The following COL6A2 variants were observed in gnomAD, a reference collection of about 807,000 sequenced individuals.
COL6A2 encodes collagen alpha-2(VI) chain.
A neutral mutation model predicts 124.9 loss-of-function variants in COL6A2; 90 were observed. The observed-to-expected ratio is 0.72, with a 90% confidence interval of 0.61 to 0.86. The LOEUF (loss-of-function observed/expected upper bound fraction) is 0.86, where lower values mean the gene tolerates loss of function less well. Among genes scored for constraint, COL6A2 ranks in the 40% least tolerant of loss-of-function variants. The pLI is 0.00. For synonymous variants in COL6A2, 793 were observed against 618.2 expected (o/e 1.28, Z -4.19); for missense variants, 1,607 against 1,502.5 (o/e 1.07, Z -1.15).
intron 27 of COL6A2, among the ~76,000 whole-genome samples, chr21:46,127,810 G>A (rs538251144): frequency 6.6e-6 from 1 of 152,202 alleles, no homozygotes; most frequent in Non-Finnish European, 1.5e-5. Context: ...GTGAGTGGGT[G>A]GGTGCTGCGT....
At chr21:46,129,000 C>A in intron 27 of COL6A2, 2 of 1,605,554 alleles carry the variant, frequency 1.2e-6, no homozygotes, top group South Asian at 2.2e-5. Flanking sequence ...CTGCCAGCTT[C>A]CTGTCCCTGT....
chr21:46,116,116 C>T lies in COL6A2; in HGVS notation c.900+63C>T. On this transcript the variant is annotated intron_variant, in intron 7 of 27. Coordinates refer to ENST00000300527, the MANE Select transcript of COL6A2 (RefSeq NM_001849.4). The surrounding 1 kb of genome is among the most constrained non-coding windows in gnomAD (Gnocchi z 4.6). ...GGCCCCAGCACTGCCAGGCAGGCTCCCCCCAGCCCAGCCTCGGCCTCAGCC... is the reference window on the plus strand; with the variant it reads ...GGCCCCAGCACTGCCAGGCAGGCTCTCCCCAGCCCAGCCTCGGCCTCAGCC... 2.0e-6 allele frequency: 3 copies of T among 1,509,282 alleles called. No individual in the cohort carries two copies. Among genetic ancestry groups the T allele is most frequent in the South Asian group, 1.2e-5 (1 of 83,382 alleles). The allele number at this position is 1,509,282 out of a possible 1,614,324, so 93.5% of individuals were successfully genotyped here.
chr21:46,125,205 T>C, intron 23 of COL6A2, 61 bp from the exon 24 acceptor site: 3 of 1,506,456 alleles, frequency 2.0e-6, no homozygotes, highest in Non-Finnish European at 2.8e-6. Context: ...GGCCAGGACC[T>C]TGCTGTGGAA....
chr21:46,131,339 G>A (rs1310502758), intron 27 of COL6A2, among the ~76,000 whole-genome samples: 2 of 152,228 alleles, frequency 1.3e-5, no homozygotes, highest in African/African-American at 2.4e-5. Flanking sequence ...CCAGGCAGGT[G>A]GGGGCCCCAC....
At position 46,122,101 on chromosome 21, in the gene COL6A2, C is replaced by T. The variant is rs200501842; in HGVS notation, c.1522-7C>T. ...ACCATGCTGACCGACTCAACGTCCT[C>T]CTCCAGGGAGACCCCGGCAGGCCTG... is the stretch of plus-strand genomic sequence containing the variant. On this transcript the variant is annotated splice_region_variant and splice_polypyrimidine_tract_variant and intron_variant, in intron 18 of 27. Coordinates refer to ENST00000300527, the MANE Select transcript of COL6A2 (RefSeq NM_001849.4). The T allele has an allele frequency of 4.2e-5, 68 of 1,612,530 alleles. No individual in the cohort carries two copies. Among genetic ancestry groups the T allele is most frequent in the Non-Finnish European group, 5.3e-5 (63 of 1,179,954 alleles).
chr21:46,129,826 C>T (rs1163653343), intron 27 of COL6A2: 2 of 1,115,230 alleles, frequency 1.8e-6, no homozygotes, highest in Non-Finnish European at 2.2e-6. Context: ...TCCTTCTTTG[C>T]TGCATCAGGT....
chr21:46,111,938 C>T, intron 2 of COL6A2, 41 bp from the exon 3 acceptor site: 2 of 1,588,384 alleles, frequency 1.3e-6, no homozygotes, highest in African/African-American at 1.3e-5. Flanking sequence ...CAACAGCAGT[C>T]CCTCCTGAGG....
At position 46,115,940 on chromosome 21, in the gene COL6A2, C is replaced by G. The variant is rs1378197689; in HGVS notation, c.855+15C>G. Reference sequence around the variant, plus strand: ...AGGGAAGACAGGTGAGTGTCCTTGCCCCACGCCCGCCCCGCCTGCAGCCCA... The same window carrying G: ...AGGGAAGACAGGTGAGTGTCCTTGCGCCACGCCCGCCCCGCCTGCAGCCCA... On this transcript the variant is annotated intron_variant, in intron 6 of 27. Transcript: ENST00000300527. The G allele has an allele frequency of 2.5e-6, 4 of 1,612,494 alleles. No homozygotes were observed. In the East Asian group the frequency reaches 6.7e-5, roughly 27 times the overall value.
At position 46,125,784 on chromosome 21, in the gene COL6A2, G is replaced by A. The variant is rs2078654448; in HGVS notation, c.1970-1G>A. 1 of 1,611,328 alleles carries A rather than the reference G, an allele frequency of 6.2e-7. No individual in the cohort carries two copies. Among genetic ancestry groups the A allele is most frequent in the Non-Finnish European group, 8.5e-7 (1 of 1,178,668 alleles). On this transcript the variant is annotated splice_acceptor_variant, in intron 25 of 27. Coordinates refer to ENST00000300527, the MANE Select transcript of COL6A2 (RefSeq NM_001849.4). LOFTEE classifies it high-confidence loss of function. ...AACGACCTCACGCGTGCGGCTTGCA[G>A]GGACGCGTGTGGGCGTGGTGCAGTA...
rs2078419484 is a variant in COL6A2, at chr21:46,112,570, A to G, written c.707A>G (p.Lys236Arg). ...IDQDTINRII[K>R]VMKHEAYGEC... ...CAGGACACCATCAACCGCATCATCA[A>G]GGTCATGGTGAGCCGCGGGCGGGAG... The change falls in exon 3 of 28, where the codon AAG becomes AGG. Residue 236 changes from lysine to arginine, a missense_variant. Physicochemically the swap from Lys to Arg is conservative, Grantham distance 26. Transcript: ENST00000300527. 1 of 1,611,834 alleles carries G rather than the reference A, an allele frequency of 6.2e-7. No homozygotes were observed. Among genetic ancestry groups the G allele is most frequent in the Admixed American group, 1.7e-5 (1 of 59,968 alleles).
chr21:46,131,962 G>C lies in COL6A2; in HGVS notation c.2470G>C (p.Val824Leu), dbSNP rs758758266. Residue 824 changes from valine to leucine, a missense_variant, in exon 28 of 28, where the codon GTG becomes CTG. Physicochemically the swap from Val to Leu is conservative, Grantham distance 32 (BLOSUM62 1). Coordinates refer to ENST00000300527, the MANE Select transcript of COL6A2 (RefSeq NM_001849.4). ...PDLPCQTELS[V>L]AQCTQRPVDI... ...CCTGCGTCTCCCCACAGAGCTGTCC[G>C]TGGCACAGTGCACGCAGCGGCCCGT... The C allele has an allele frequency of 6.2e-7, 1 of 1,603,456 alleles. No homozygotes were observed. The highest frequency in any genetic ancestry group is 8.5e-7 in the Non-Finnish European group (1 of 1,176,892).
At chr21:46,105,386 AAAATAAAT>A (rs1051246315) in intron 1 of COL6A2, among the ~76,000 whole-genome samples, 1 of 152,110 alleles carries the variant, frequency 6.6e-6, no homozygotes, top group Non-Finnish European at 1.5e-5. Flanking sequence ...ACCTTATCTC[AAAATAAAT>A]AAATAAATAA....
At chr21:46,122,223 A>T in intron 19 of COL6A2, 65 bp downstream of exon 19, 2 of 1,564,346 alleles carry the variant, frequency 1.3e-6, no homozygotes, top group South Asian at 2.3e-5. Flanking sequence ...GGCCCTGAAG[A>T]TTCCTAGTAG....
rs766469768 is a variant in COL6A2 at position 46,131,951 on chromosome 21, C to T, written c.2462-3C>T. 2.3e-5 allele frequency: 37 copies of T among 1,596,724 alleles called. No individual in the cohort carries two copies. The highest frequency in any genetic ancestry group is 3.2e-5 in the Non-Finnish European group (37 of 1,174,054). Reference sequence around the variant, plus strand: ...CCCAGCCCGCACCTGCGTCTCCCCACAGAGCTGTCCGTGGCACAGTGCACG... The same window carrying T: ...CCCAGCCCGCACCTGCGTCTCCCCATAGAGCTGTCCGTGGCACAGTGCACG... On this transcript the variant is annotated splice_region_variant and splice_polypyrimidine_tract_variant and intron_variant, in intron 27 of 27. Coordinates refer to ENST00000300527, the MANE Select transcript of COL6A2 (RefSeq NM_001849.4).
chr21:46,122,187 C>T (rs756335770), intron 19 of COL6A2, 29 bp downstream of exon 19: 1 of 1,610,772 alleles, frequency 6.2e-7, no homozygotes, highest in Non-Finnish European at 8.5e-7. Flanking sequence ...TGGCAGCTCC[C>T]AGGAGTGGGT....
In COL6A2 at chr21:46,112,493, G is replaced by T; in HGVS notation, c.630G>T (p.Glu210Asp). The T allele has an allele frequency of 6.2e-7, 1 of 1,611,710 alleles. No individual in the cohort carries two copies. The change falls in exon 3 of 28, where the codon GAG becomes GAT. Residue 210 changes from glutamate (E) to aspartate (D), a missense_variant. Physicochemically the swap from Glu to Asp is conservative, Grantham distance 45. Coordinates refer to ENST00000300527, the MANE Select transcript of COL6A2 (RefSeq NM_001849.4). ...GLRDIASTPH[E>D]LYRNDYATML... Reference sequence around the variant, plus strand: ...GGGACATCGCCAGCACGCCGCACGAGCTCTACCGCAACGACTACGCCACCA... The same window carrying T: ...GGGACATCGCCAGCACGCCGCACGATCTCTACCGCAACGACTACGCCACCA...
At chr21:46,128,899 A>C in intron 27 of COL6A2, 14 of 1,610,726 alleles carry the variant, frequency 8.7e-6, no homozygotes, top group Non-Finnish European at 1.2e-5. Flanking sequence ...TGTCTCCGGC[A>C]CAGGTTTGGA....
rs1291272464 is a variant in COL6A2 at position 46,112,376 on chromosome 21, G to C, written c.513G>C (p.Gly171=). The change falls in exon 3 of 28, where the codon GGG becomes GGC. Residue 171 remains glycine (G), a synonymous_variant. Transcript: ENST00000300527. ...GCCACGTCACCGGCAGCCCCTGCGGGGGCATCAAGCTGCAGGCCGAGCGGG... is the reference window on the plus strand; with the variant it reads ...GCCACGTCACCGGCAGCCCCTGCGGCGGCATCAAGCTGCAGGCCGAGCGGG... ...TDGHVTGSPC[G]GIKLQAERAR... is the part of the protein sequence containing the mutation. 6.2e-7 allele frequency: 1 copy of C among 1,608,182 alleles called. No individual in the cohort carries two copies. Among genetic ancestry groups the C allele is most frequent in the African/African-American group, 1.3e-5 (1 of 74,812 alleles).
intron 1 of COL6A2, among the ~76,000 whole-genome samples, chr21:46,106,336 C>A (rs1037715256): frequency 6.6e-6 from 1 of 152,076 alleles, no homozygotes; most frequent in Non-Finnish European, 1.5e-5. Flanking sequence ...GTCAAGAGGG[C>A]AGACTTGAGC....
Sources: gnomAD v4.1 joint callset for allele counts (sites outside exome capture counted in the v4.1 genomes callset) on GRCh38, gnomAD v4.1.1 for gene constraint, Gnocchi (gnomAD v3.1) non-coding constraint, MANE v1.5 for transcripts, NCBI Gene and HGNC (gene_info 2026-07-23, HGNC 2026-07-21) for gene names.